HP1BP3: variants seen among roughly 807,000 people sequenced by gnomAD.
The protein encoded by HP1BP3 is heterochromatin protein 1-binding protein 3.
Under a neutral mutation model 62.5 loss-of-function variants are expected in HP1BP3, and 12 were observed. That is an observed-to-expected ratio of 0.19 (90% CI 0.12 to 0.31). The LOEUF (loss-of-function observed/expected upper bound fraction) is 0.31, where lower values mean the gene tolerates loss of function less well. Ranked by LOEUF, HP1BP3 falls within the 10% of genes least tolerant of loss-of-function variation. The probability of loss-of-function intolerance (pLI) is 1.00; values close to 1 mark genes in which losing one functional copy is unlikely to be tolerated. For synonymous variants in HP1BP3, 260 were observed against 237.8 expected (o/e 1.09, Z -0.86); for missense variants, 502 against 651.8 (o/e 0.77, Z 2.50).
At chr1:20,764,502 G>C (rs2056661587) in intron 8 of HP1BP3, among the ~76,000 whole-genome samples, 1 of 151,266 alleles carries the variant, frequency 6.6e-6, no homozygotes, top group African/African-American at 2.4e-5. Flanking sequence ...CACCACCACA[G>C]CCAGCCTAGT....
chr1:20,776,369 T>C, intron 4 of HP1BP3: 1 of 452,046 alleles, frequency 2.2e-6, no homozygotes, highest in Non-Finnish European at 3.8e-6. Context: ...CCAAAGCCAA[T>C]GACAAAGACT....
At chr1:20,752,281 C>T (rs1311574894) in intron 9 of HP1BP3, among the ~76,000 whole-genome samples, 6 of 151,626 alleles carry the variant, frequency 4.0e-5, no homozygotes, top group Non-Finnish European at 7.4e-5. Flanking sequence ...ACCTAAGATG[C>T]GATTTGCTTT....
At chr1:20,779,047 C>T (rs2057427348) in intron 3 of HP1BP3, among the ~76,000 whole-genome samples, 1 of 152,128 alleles carries the variant, frequency 6.6e-6, no homozygotes, top group African/African-American at 2.4e-5. Context: ...TCCTTGGCCT[C>T]CCAAAGTGCT....
intron 8 of HP1BP3, among the ~76,000 whole-genome samples, chr1:20,761,072 C>T (rs539682232): frequency 6.6e-6 from 1 of 151,886 alleles, no homozygotes; most frequent in Non-Finnish European, 1.5e-5. Context: ...GGAGACGGAG[C>T]CTCACTCTGT....
rs769156497 is a variant in HP1BP3, at chr1:20,779,792, G to T, written c.196+20C>A. On this transcript the variant is annotated intron_variant, in intron 3 of 12. Transcript: ENST00000438032. Reference sequence around the variant, plus strand: ...AGTATAACTTTTGATGTTTTAAGCTGTGTCACCATTTTACTTTACCTGGCT... The same window carrying T: ...AGTATAACTTTTGATGTTTTAAGCTTTGTCACCATTTTACTTTACCTGGCT... 1.3e-6 allele frequency: 2 copies of T among 1,536,242 alleles called. No homozygotes were observed. The highest frequency in any genetic ancestry group is 2.3e-5 in the East Asian group (1 of 44,252).
In HP1BP3 at chr1:20,773,556, G is replaced by A; in HGVS notation, c.405C>T (p.Ser135=). The A allele has an allele frequency of 1.2e-6, 2 of 1,610,992 alleles. No homozygotes were observed. The highest frequency in any genetic ancestry group is 1.3e-5 in the African/African-American group (1 of 74,930). The change falls in exon 5 of 13, where the codon TCC becomes TCT. Residue 135 remains serine (S), a synonymous_variant. Coordinates refer to ENST00000438032, the MANE Select transcript of HP1BP3 (RefSeq NM_001372052.1). The stretch of plus-strand genomic sequence containing the variant: ...GCTGGCTGGCAGAAAGGGTAGCCCA[G>A]GAAGGAATTGTTTTTTTCACTTTCT... ...KEKKVKKTIP[S]WATLSASQLA... is the part of the protein sequence containing the mutation.
At chr1:20,760,787 G>C (rs772049592) in intron 8 of HP1BP3, among the ~76,000 whole-genome samples, 41 of 152,238 alleles carry the variant, frequency 2.7e-4, no homozygotes, top group Admixed American at 1.4e-3. Flanking sequence ...AGTGAGCCGA[G>C]ATCATGCCAC....
chr1:20,780,235 A>C (rs1260259815), intron 2 of HP1BP3, 110 bp downstream of exon 2: 1 of 769,854 alleles, frequency 1.3e-6, no homozygotes, highest in East Asian at 2.5e-5. Context: ...TCAAATTCAC[A>C]ACCTAGACTC....
intron 1 of HP1BP3, among the ~76,000 whole-genome samples, chr1:20,782,705 G>C (rs982562013): frequency 2.6e-5 from 4 of 151,890 alleles, no homozygotes; most frequent in African/African-American, 9.7e-5. Context: ...TTCGAGACCA[G>C]CCTGGCCAGT....
intron 1 of HP1BP3, among the ~76,000 whole-genome samples, chr1:20,784,077 C>A (rs1160268219): frequency 6.6e-6 from 1 of 152,150 alleles, no homozygotes; most frequent in Non-Finnish European, 1.5e-5. Context: ...TCAAGCGACT[C>A]TCCCACCTTA....
intron 1 of HP1BP3, among the ~76,000 whole-genome samples, chr1:20,783,636 GA>G (rs1371334812): frequency 6.6e-6 from 1 of 151,724 alleles, no homozygotes; most frequent in African/African-American, 2.4e-5. Flanking sequence ...ACTTTCTTTA[GA>G]ATAGTTGGGT....
chr1:20,770,339 T>C (rs1557663033), intron 6 of HP1BP3, among the ~76,000 whole-genome samples: 2 of 152,172 alleles, frequency 1.3e-5, no homozygotes, highest in African/African-American at 4.8e-5. Flanking sequence ...CCTTTTTGTT[T>C]TCAGACAGGG....
chr1:20,767,471 G>A, intron 7 of HP1BP3, 113 bp downstream of exon 7: 2 of 786,934 alleles, frequency 2.5e-6, no homozygotes, highest in South Asian at 3.0e-5. Flanking sequence ...GGCCTTAGCA[G>A]AAAGGCTGAA....
intron 8 of HP1BP3, among the ~76,000 whole-genome samples, chr1:20,764,924 T>C (rs150815851): frequency 0.011 from 1,659 of 149,420 alleles, 31 homozygotes; most frequent in Non-Finnish European, 0.014. Flanking sequence ...ATCCTAGCAC[T>C]TTGGGAGGCC....
At chr1:20,775,300 G>GGT (rs1412473409) in intron 4 of HP1BP3, 1 of 152,042 alleles carries the variant, frequency 6.6e-6, no homozygotes, top group African/African-American at 2.4e-5. Context: ...CCTAGGTTAA[G>GGT]GTGTGTGTAT....
At chr1:20,763,749 G>A (rs181226119) in intron 8 of HP1BP3, among the ~76,000 whole-genome samples, 669 of 152,198 alleles carry the variant, frequency 4.4e-3, no homozygotes, top group Non-Finnish European at 6.8e-3. Flanking sequence ...CAAATTTTAC[G>A]TATCAATTAC....
intron 9 of HP1BP3, among the ~76,000 whole-genome samples, chr1:20,750,433 C>T (rs557388616): frequency 7.1e-6 from 1 of 139,904 alleles, no homozygotes; most frequent in East Asian, 2.0e-4. Context: ...GAGGCTGAGG[C>T]AGGAGAGTCA....
chr1:20,779,964 C>T, intron 2 of HP1BP3, 53 bp from the exon 3 acceptor site: 1 of 1,436,026 alleles, frequency 7.0e-7, no homozygotes, highest in Non-Finnish European at 9.6e-7. Flanking sequence ...TCTCTTTTCT[C>T]TCTTTCTCAA....
chr1:20,770,639 G>A (rs1042270815), intron 6 of HP1BP3, among the ~76,000 whole-genome samples: 1 of 152,018 alleles, frequency 6.6e-6, no homozygotes, highest in Non-Finnish European at 1.5e-5. Context: ...TCAGTAGTAG[G>A]ATTCCTTACC....
Sources: gnomAD v4.1 joint callset for allele counts (sites outside exome capture counted in the v4.1 genomes callset) on GRCh38, gnomAD v4.1.1 for gene constraint, MANE v1.5 for transcripts, NCBI Gene and HGNC (gene_info 2026-07-23, HGNC 2026-07-21) for gene names.